Variants in RBFOX1 observed in about 807,000 individuals in gnomAD.
The protein encoded by RBFOX1 is RNA binding protein fox-1 homolog 1.
RBFOX1 carries 8 observed loss-of-function variants against 57.7 expected under a neutral mutation model. The ratio of observed to expected loss-of-function variants is 0.14; its 90% CI spans 0.08 to 0.25. The LOEUF is 0.25. Ranked by LOEUF, RBFOX1 falls within the 10% of genes least tolerant of loss-of-function variation. The pLI is 1.00. For missense variants in RBFOX1, 611 were observed against 548.5 expected (o/e 1.11, Z -1.14); for synonymous variants, 326 against 222.4 (o/e 1.47, Z -4.15).
rs565310839 is a variant in RBFOX1, at chr16:5,947,994, A to T, written c.351+80659A>T. Among the ~76,000 whole-genome samples, 1 of 152,210 alleles carries T rather than the reference A, an allele frequency of 6.6e-6. No individual in the cohort carries two copies. The highest frequency in any genetic ancestry group is 2.4e-5 in the African/African-American group (1 of 41,446). ...CCCTTTTGACCGTGGCGCTGAGGACATATGTTCATACATTTTCATGGCAGG... is the reference window on the plus strand; with the variant it reads ...CCCTTTTGACCGTGGCGCTGAGGACTTATGTTCATACATTTTCATGGCAGG... On this transcript the variant is annotated intron_variant, in intron 4 of 19. Coordinates refer to the RBFOX1 transcript ENST00000641259. This position sits in a 1 kb window ranked among gnomAD's most constrained non-coding sequence, Gnocchi z 7.2.
intron 3 of RBFOX1, among the ~76,000 whole-genome samples, chr16:6,676,397 GC>G (rs1437280490): frequency 1.3e-5 from 2 of 152,054 alleles, no homozygotes; most frequent in African/African-American, 4.8e-5. Context: ...TTGGGTCCTA[GC>G]CCAAGGTCAA....
chr16:5,313,580 G>T (rs2064149847), intron 1 of RBFOX1, among the ~76,000 whole-genome samples: 1 of 152,068 alleles, frequency 6.6e-6, no homozygotes, highest in Admixed American at 6.5e-5. Flanking sequence ...TGGACTTACA[G>T]TTCCACATGG....
intron 14 of RBFOX1, among the ~76,000 whole-genome samples, chr16:7,680,841 G>C (rs1489925966): frequency 2.0e-5 from 3 of 151,954 alleles, no homozygotes; most frequent in Admixed American, 1.3e-4. Context: ...ATGTTACGTA[G>C]CTCAACTTAA....
intron 4 of RBFOX1, among the ~76,000 whole-genome samples, chr16:7,186,882 G>A (rs2083967363): frequency 6.7e-6 from 1 of 150,368 alleles, no homozygotes; most frequent in African/African-American, 2.5e-5. Context: ...TCTAGGCCAG[G>A]CACAGTGGCT....
rs566843947 is a variant in RBFOX1 at position 5,942,056 on chromosome 16, A to T, written c.351+74721A>T. Among the ~76,000 whole-genome samples the T allele has an allele frequency of 5.8e-4, 89 of 152,232 alleles. 1 individual carries two copies. Among genetic ancestry groups the T allele is most frequent in the African/African-American group, 2.1e-3 (88 of 41,528 alleles). On this transcript the variant is annotated intron_variant, in intron 4 of 19. Coordinates refer to the RBFOX1 transcript ENST00000641259. Reference sequence around the variant, plus strand: ...GCTTCCTCCCCATGTCCGTTGGCTTATTCAATTATCCTAGACCAGCCTGTA... The same window carrying T: ...GCTTCCTCCCCATGTCCGTTGGCTTTTTCAATTATCCTAGACCAGCCTGTA...
At chr16:7,204,978 T>C (rs1216870654) in intron 4 of RBFOX1, among the ~76,000 whole-genome samples, 1 of 152,192 alleles carries the variant, frequency 6.6e-6, no homozygotes, top group Non-Finnish European at 1.5e-5. Flanking sequence ...CAAAGAATAT[T>C]GTGACTTTCT....
chr16:7,163,745 C>A (rs2078872794), intron 4 of RBFOX1, among the ~76,000 whole-genome samples: 1 of 152,062 alleles, frequency 6.6e-6, no homozygotes, highest in South Asian at 2.1e-4. Flanking sequence ...CAACCTCTGC[C>A]TCGTGGGTTC....
chr16:7,394,701 A>G (rs2098112840), intron 4 of RBFOX1, among the ~76,000 whole-genome samples: 1 of 152,156 alleles, frequency 6.6e-6, no homozygotes, highest in Non-Finnish European at 1.5e-5. Context: ...CCAGGGTTTC[A>G]TGTGCCCCGG....
chr16:7,313,893 T>C (rs754810156), intron 4 of RBFOX1, among the ~76,000 whole-genome samples: 18 of 152,160 alleles, frequency 1.2e-4, no homozygotes, highest in Non-Finnish European at 2.6e-4. Context: ...GCTGGTTCTG[T>C]ATGATTTACG....
intron 4 of RBFOX1, among the ~76,000 whole-genome samples, chr16:5,913,582 G>A (rs2058648229): frequency 6.6e-6 from 1 of 152,190 alleles, no homozygotes. Context: ...CTGAGCAGAT[G>A]CTGGAGCCAT....
intron 5 of RBFOX1, among the ~76,000 whole-genome samples, chr16:7,557,303 T>C (rs1266213665): frequency 2.0e-5 from 3 of 151,926 alleles, no homozygotes; most frequent in Non-Finnish European, 4.4e-5. Context: ...CAAAATACAA[T>C]ACCTCCAATG....
intron 3 of RBFOX1, among the ~76,000 whole-genome samples, chr16:7,049,923 C>A (rs7193325): frequency 0.12 from 17,606 of 152,180 alleles, 1,685 homozygotes; most frequent in East Asian, 0.28. Flanking sequence ...CATTTAAGTA[C>A]ATTCACAATG....
intron 3 of RBFOX1, among the ~76,000 whole-genome samples, chr16:5,738,507 G>A (rs1235748562): frequency 2.6e-5 from 4 of 151,684 alleles, no homozygotes; most frequent in Admixed American, 6.6e-5. Flanking sequence ...GGTGGTGCAC[G>A]TCTGTAATCC....
intron 4 of RBFOX1, among the ~76,000 whole-genome samples, chr16:7,429,161 A>G (rs924273711): frequency 6.6e-6 from 1 of 152,170 alleles, no homozygotes; most frequent in Non-Finnish European, 1.5e-5. Flanking sequence ...AACACTGTGA[A>G]TATAATCTTG....
At chr16:7,160,642 T>G (rs2078113788) in intron 4 of RBFOX1, among the ~76,000 whole-genome samples, 1 of 152,216 alleles carries the variant, frequency 6.6e-6, no homozygotes, top group Admixed American at 6.5e-5. Context: ...ATTTACACTG[T>G]CCAGTTATGT....
intron 3 of RBFOX1, among the ~76,000 whole-genome samples, chr16:6,968,208 G>T (rs973003872): frequency 1.3e-5 from 2 of 152,200 alleles, no homozygotes; most frequent in African/African-American, 4.8e-5. Flanking sequence ...AGTTCAGAGT[G>T]ACTGACAGGC....
chr16:5,309,196 A>C (rs1250032028), intron 1 of RBFOX1, among the ~76,000 whole-genome samples: 1 of 152,168 alleles, frequency 6.6e-6, no homozygotes, highest in East Asian at 1.9e-4. Flanking sequence ...GGAGGAGATA[A>C]ATGGTTTTGC....
intron 3 of RBFOX1, among the ~76,000 whole-genome samples, chr16:6,975,306 C>T (rs940065896): frequency 6.6e-5 from 10 of 152,046 alleles, no homozygotes; most frequent in Non-Finnish European, 1.5e-4. Context: ...CATTCTGTCA[C>T]CCAGGCTGGA....
intron 4 of RBFOX1, among the ~76,000 whole-genome samples, chr16:7,270,814 C>T (rs114505936): frequency 0.015 from 2,241 of 152,228 alleles, 49 homozygotes; most frequent in African/African-American, 0.051. Flanking sequence ...CAACTTTCCC[C>T]GCTTTCTCCC....
Sources: gnomAD v4.1 joint callset for allele counts (sites outside exome capture counted in the v4.1 genomes callset) on GRCh38, gnomAD v4.1.1 for gene constraint, Gnocchi (gnomAD v3.1) non-coding constraint, MANE v1.5 for transcripts, NCBI Gene and HGNC (gene_info 2026-07-23, HGNC 2026-07-21) for gene names.